ITGA7: variants seen among roughly 807,000 people sequenced by gnomAD.
ITGA7 encodes the protein integrin subunit alpha 7.
In ITGA7, 84 loss-of-function variants were observed where a neutral mutation model predicts 131.6. That is an observed-to-expected ratio of 0.64 (90% CI 0.54 to 0.77). The LOEUF (loss-of-function observed/expected upper bound fraction) is 0.77. ITGA7 is among the 30% of genes least tolerant of loss of function. The probability of loss-of-function intolerance (pLI) is 0.00; values close to 1 mark genes in which losing one functional copy is unlikely to be tolerated. For synonymous variants in ITGA7, 548 were observed against 600.7 expected (o/e 0.91, Z 1.28); for missense variants, 1,399 against 1,482.9 (o/e 0.94, Z 0.93).
chr12:55,712,276 T>C (rs866924537), upstream of ITGA7: 3 of 1,545,120 alleles, frequency 1.9e-6, no homozygotes, highest in Middle Eastern at 1.7e-4. Flanking sequence ...CCATTTGGAC[T>C]GTCTCAAGGG....
At chr12:55,705,425 AG>A (rs1874978331) in intron 1 of ITGA7, among the ~76,000 whole-genome samples, 1 of 150,118 alleles carries the variant, frequency 6.7e-6, no homozygotes, top group South Asian at 2.1e-4. Flanking sequence ...ACCCCCTGGG[AG>A]CTCAGCTAAG....
intron 14 of ITGA7, chr12:55,695,203 C>A (rs985368278): frequency 1.2e-5 from 7 of 603,438 alleles, no homozygotes; most frequent in Non-Finnish European, 2.1e-5. Context: ...CTTAACCTCT[C>A]TAGGCTTCAG....
intron 1 of ITGA7, 80 bp from the exon 2 acceptor site, chr12:55,703,258 C>T: frequency 6.7e-7 from 1 of 1,488,738 alleles, no homozygotes. Context: ...CTGCCCAGGC[C>T]CAACCCCTCA....
chr12:55,695,915 C>T (rs369520028), intron 13 of ITGA7, among the ~76,000 whole-genome samples: 88 of 152,098 alleles, frequency 5.8e-4, no homozygotes, highest in Middle Eastern at 6.8e-3. Context: ...TAACTGAGTT[C>T]CGGATTTAGA....
intron 21 of ITGA7, among the ~76,000 whole-genome samples, chr12:55,689,949 A>T (rs887361186): frequency 2.0e-5 from 3 of 152,192 alleles, no homozygotes; most frequent in East Asian, 1.9e-4. Context: ...ATCCCTTCCT[A>T]ACACCTTATA....
chr12:55,695,633 T>C lies in ITGA7; in HGVS notation c.1892A>G (p.His631Arg). The change falls in exon 14 of 25, where the codon CAC (histidine) becomes CGC (arginine). Residue 631 changes from histidine to arginine, a missense_variant. Transcript: ENST00000257879. ...HQPSTQRAEI[H>R]FLKQGCGEDK... ...TTCACCACAGCCTTGCTTCAGGAAG[T>C]GGATCTGGGGAGAGACATGAGATAA... 6.2e-7 allele frequency: 1 copy of C among 1,612,332 alleles called. No individual in the cohort carries two copies. The highest frequency in any genetic ancestry group is 8.5e-7 in the Non-Finnish European group (1 of 1,178,488).
Position 55,693,222 on chromosome 12 carries a change from G to A in ITGA7, c.2631C>T (p.Tyr877=). 1 of 1,614,078 alleles carries A rather than the reference G, an allele frequency of 6.2e-7. No homozygotes were observed. Among genetic ancestry groups the A allele is most frequent in the Non-Finnish European group, 8.5e-7 (1 of 1,180,004 alleles). ...HEIANGKWLL[Y]PMQVELEGGQ... is the part of the protein sequence containing the mutation. ...CGCCCTCCAGCTCAACCTGCATTGG[G>A]TACAGCAACCACTTCCCATTGGCAA... The change falls in exon 20 of 25, where the codon TAC becomes TAT. Residue 877 remains tyrosine (Y), a synonymous_variant. Transcript: ENST00000257879.
intron 19 of ITGA7, among the ~76,000 whole-genome samples, 157 bp downstream of exon 19, chr12:55,693,864 A>T (rs1444666117): frequency 6.6e-6 from 1 of 152,170 alleles, no homozygotes; most frequent in Non-Finnish European, 1.5e-5. Flanking sequence ...CCCAGCAGGA[A>T]CACCTTCCCA....
intron 1 of ITGA7, among the ~76,000 whole-genome samples, chr12:55,706,522 A>G (rs1322459021): frequency 6.6e-6 from 1 of 152,048 alleles, no homozygotes; most frequent in Non-Finnish European, 1.5e-5. Context: ...GAAGAGAGAA[A>G]AGCCCCCTAG....
chr12:55,687,139 A>C (rs1200098465), intron 24 of ITGA7, among the ~76,000 whole-genome samples: 1 of 148,124 alleles, frequency 6.8e-6, no homozygotes, highest in Non-Finnish European at 1.5e-5. Context: ...GGACTATAAA[A>C]TCCCTGAGAA....
chr12:55,693,462 A>AATCACAGCACTACAGGAG, intron 19 of ITGA7, 145 bp from the exon 20 acceptor site: 2 of 738,172 alleles, frequency 2.7e-6, no homozygotes, highest in Non-Finnish European at 4.4e-6. Flanking sequence ...GGCCTCCTGT[A>AATCACAGCACTACAGGAG]GTGCTGTGAT....
chr12:55,690,112 T>C (rs1055707702), intron 21 of ITGA7, among the ~76,000 whole-genome samples: 1,978 of 152,170 alleles, frequency 0.013, 36 homozygotes, highest in African/African-American at 0.045. Flanking sequence ...AAAGCCAAAA[T>C]TGACAAATGG....
At chr12:55,693,362 T>C (rs1367078604) in intron 19 of ITGA7, 45 bp from the exon 20 acceptor site, 1 of 939,780 alleles carries the variant, frequency 1.1e-6, no homozygotes, top group Non-Finnish European at 1.5e-6. Context: ...CAGTTTTTCT[T>C]TTTTTTTTTT....
chr12:55,689,435 C>A (rs1314031449), intron 21 of ITGA7, among the ~76,000 whole-genome samples: 1 of 152,190 alleles, frequency 6.6e-6, no homozygotes, highest in African/African-American at 2.4e-5. Context: ...TCGGCAAAGC[C>A]ACACCCCTGC....
intron 1 of ITGA7, among the ~76,000 whole-genome samples, chr12:55,705,353 C>A (rs955952635): frequency 4.2e-4 from 63 of 151,122 alleles, no homozygotes; most frequent in African/African-American, 1.4e-3. Context: ...CACAGTGTAG[C>A]CACTGCAGAG....
upstream of ITGA7, among the ~76,000 whole-genome samples, chr12:55,714,720 A>ATATACATACATATATACACATATACACG (rs1876383802): frequency 7.1e-6 from 1 of 140,094 alleles, no homozygotes; most frequent in African/African-American, 2.9e-5. Flanking sequence ...ACATATATAC[A>ATATACATACATATATACACATATACACG]TATACATACA....
chr12:55,693,319 T>C lies in ITGA7; in HGVS notation c.2536-2A>G, dbSNP rs375295643. The C allele has an allele frequency of 1.9e-6, 3 of 1,612,842 alleles. No homozygotes were observed. Among genetic ancestry groups the C allele is most frequent in the Non-Finnish European group, 2.5e-6 (3 of 1,179,454 alleles). ...GAGCGACTGGCCTTGGTTGGAAACC[T>C]GTGGGAAAAAGAGAGTATGAGGGGA... is the stretch of plus-strand genomic sequence containing the variant. On this transcript the variant is annotated splice_acceptor_variant, in intron 19 of 24. Coordinates refer to ENST00000257879, the MANE Select transcript of ITGA7 (RefSeq NM_002206.3). LOFTEE classifies it high-confidence loss of function.
chr12:55,693,050 G>T, intron 20 of ITGA7, 75 bp from the exon 21 acceptor site: 1 of 1,610,854 alleles, frequency 6.2e-7, no homozygotes, highest in Non-Finnish European at 8.5e-7. Context: ...CCTCCCCACC[G>T]CCTTCCTCCT....
intron 4 of ITGA7, chr12:55,700,419 C>T (rs1873723291): frequency 6.3e-7 from 1 of 1,588,242 alleles, no homozygotes; most frequent in Non-Finnish European, 8.5e-7. Flanking sequence ...TGTTAGTGCC[C>T]AGGGCAGGGC....
Sources: allele counts gnomAD v4.1 joint callset (sites outside exome capture counted in the v4.1 genomes callset), GRCh38; gene constraint gnomAD v4.1.1; transcripts MANE v1.5; gene names NCBI Gene and HGNC (gene_info 2026-07-23, HGNC 2026-07-21).